The following ADAM2 variants were observed in gnomAD, a reference collection of about 807,000 sequenced individuals.
ADAM2 encodes the protein disintegrin and metalloproteinase domain-containing protein 2.
Under a neutral mutation model 99.3 loss-of-function variants are expected in ADAM2, and 101 were observed. That is an observed-to-expected ratio of 1.02 (90% CI 0.87 to 1.20). ADAM2 has a LOEUF of 1.20. ADAM2 is among the 50% of genes most tolerant of loss of function. ADAM2 has a pLI of 0.00. For missense variants in ADAM2, 948 were observed against 878.7 expected, an observed-to-expected ratio of 1.08 and a Z score of -1.00; for synonymous variants, 323 against 287.6, an observed-to-expected ratio of 1.12 and a Z score of -1.25.
At chr8:39,805,919 G>C (rs1804417131) in intron 7 of ADAM2, among the ~76,000 whole-genome samples, 1 of 152,138 alleles carries the variant, frequency 6.6e-6, no homozygotes. Context: ...AGCCAAAATG[G>C]TCTCGAAAGC....
At chr8:39,756,062 C>G (rs1802141221) in intron 15 of ADAM2, 151 bp from the exon 16 acceptor site, 2 of 471,706 alleles carry the variant, frequency 4.2e-6, no homozygotes, top group South Asian at 1.1e-4. Context: ...AGAGCCTTGC[C>G]TAAATTGCCA....
rs994690733 is a variant in ADAM2, at chr8:39,824,473, A to G, written c.267+346T>C. ...TTATTTGGTCCTTGAACATACTTCA[A>G]AGAAGATTAGATTCTTATTTTCTCC... On this transcript the variant is annotated intron_variant, in intron 4 of 20. Transcript: ENST00000265708. Among the ~76,000 whole-genome samples the G allele has an allele frequency of 1.2e-4, 19 of 152,262 alleles. No individual in the cohort carries two copies. In the East Asian group the frequency reaches 1.7e-3, roughly 14 times the overall value.
intron 14 of ADAM2, among the ~76,000 whole-genome samples, chr8:39,762,094 GA>G (rs577990687): frequency 3.3e-5 from 5 of 151,826 alleles, no homozygotes; most frequent in African/African-American, 7.3e-5. Context: ...AAAGGAAAAA[GA>G]AAAAAAAGCT....
chr8:39,753,009 T>C (rs1401058907), intron 16 of ADAM2, among the ~76,000 whole-genome samples: 1 of 152,012 alleles, frequency 6.6e-6, no homozygotes. Flanking sequence ...AGGAATGGAG[T>C]GCTGCTGTGA....
At chr8:39,760,427 A>T (rs1802303154) in intron 15 of ADAM2, among the ~76,000 whole-genome samples, 1 of 152,154 alleles carries the variant, frequency 6.6e-6, no homozygotes, top group Non-Finnish European at 1.5e-5. Context: ...CATGTTCTTA[A>T]ATACCACGCT....
chr8:39,819,291 C>T (rs777614514), intron 6 of ADAM2, among the ~76,000 whole-genome samples: 5 of 151,946 alleles, frequency 3.3e-5, no homozygotes, highest in African/African-American at 1.2e-4. Flanking sequence ...ATAATCTCTT[C>T]AACAAATGGT....
chr8:39,817,187 G>C (rs537492557), intron 6 of ADAM2, among the ~76,000 whole-genome samples: 2 of 152,096 alleles, frequency 1.3e-5, no homozygotes, highest in South Asian at 2.1e-4. Flanking sequence ...GAACATATAA[G>C]ACAAATAAGA....
At chr8:39,764,954 T>C (rs916679506) in intron 14 of ADAM2, among the ~76,000 whole-genome samples, 2 of 150,816 alleles carry the variant, frequency 1.3e-5, no homozygotes, top group South Asian at 4.2e-4. Context: ...ACACGGGAGG[T>C]GAAGGTTGCA....
At chr8:39,799,212 T>C (rs1019708422) in intron 7 of ADAM2, among the ~76,000 whole-genome samples, 7 of 152,228 alleles carry the variant, frequency 4.6e-5, no homozygotes, top group African/African-American at 1.7e-4. Context: ...GCTTTAGCTG[T>C]GTCCCAGAGA....
At chr8:39,765,174 C>A (rs1802523019) in intron 14 of ADAM2, among the ~76,000 whole-genome samples, 1 of 152,148 alleles carries the variant, frequency 6.6e-6, no homozygotes, top group Non-Finnish European at 1.5e-5. Flanking sequence ...AAAGCTAAGG[C>A]TGTCTTATAA....
intron 7 of ADAM2, among the ~76,000 whole-genome samples, chr8:39,795,848 T>G (rs1171477025): frequency 2.0e-5 from 3 of 152,276 alleles, no homozygotes; most frequent in South Asian, 4.1e-4. Flanking sequence ...AATATTTGGA[T>G]TTGTAAATAG....
chr8:39,744,680 T>A (rs1379169878), intron 20 of ADAM2, 150 bp downstream of exon 20: 4 of 503,038 alleles, frequency 8.0e-6, no homozygotes, highest in Non-Finnish European at 1.0e-5. Flanking sequence ...CAATACCTAA[T>A]GCATGTGGGG....
At chr8:39,830,925 G>T (rs1805591275) in intron 3 of ADAM2, among the ~76,000 whole-genome samples, 1 of 152,124 alleles carries the variant, frequency 6.6e-6, no homozygotes, top group Admixed American at 6.5e-5. Flanking sequence ...TTATGAATGG[G>T]ATTAGTGTCC....
chr8:39,824,071 G>A (rs771355780), intron 4 of ADAM2, among the ~76,000 whole-genome samples: 1 of 152,024 alleles, frequency 6.6e-6, no homozygotes, highest in African/African-American at 2.4e-5. Context: ...ATCACCTGAG[G>A]TCGGGAGTTC....
chr8:39,814,218 G>C (rs1054111027), intron 6 of ADAM2, among the ~76,000 whole-genome samples: 17 of 152,088 alleles, frequency 1.1e-4, no homozygotes, highest in Non-Finnish European at 2.1e-4. Flanking sequence ...AATTAGCTGG[G>C]CATTGTGGCT....
At chr8:39,794,038 T>C (rs1037829377) in intron 7 of ADAM2, among the ~76,000 whole-genome samples, 4 of 152,184 alleles carry the variant, frequency 2.6e-5, no homozygotes, top group African/African-American at 9.6e-5. Context: ...ATAATCTTGT[T>C]CCATTAGCTA....
At position 39,761,285 on chromosome 8, in the gene ADAM2, A is replaced by C; in HGVS notation, c.1508-4T>G. ...TCTGAAGGGCCAAACTCTACTTCTG[A>C]AAATAAAAAGGTGAGGTTAGTCATA... On this transcript the variant is annotated splice_polypyrimidine_tract_variant and splice_region_variant and intron_variant, in intron 14 of 20. Coordinates refer to ENST00000265708, the MANE Select transcript of ADAM2 (RefSeq NM_001464.5). 1 of 1,565,144 alleles carries C rather than the reference A, an allele frequency of 6.4e-7. No homozygotes were observed. The highest frequency in any genetic ancestry group is 8.7e-7 in the Non-Finnish European group (1 of 1,149,422).
chr8:39,774,172 A>G (rs1226345445), intron 11 of ADAM2, among the ~76,000 whole-genome samples: 1 of 151,966 alleles, frequency 6.6e-6, no homozygotes, highest in Non-Finnish European at 1.5e-5. Flanking sequence ...AGCTTTCTCA[A>G]TCTGATTAAA....
chr8:39,778,935 A>T (rs1048159297), intron 10 of ADAM2, among the ~76,000 whole-genome samples: 3 of 152,018 alleles, frequency 2.0e-5, no homozygotes, highest in African/African-American at 7.2e-5. Context: ...GTTTCCTGTT[A>T]TCTCTTATAA....
Sources: allele counts gnomAD v4.1 joint callset (sites outside exome capture counted in the v4.1 genomes callset), GRCh38; gene constraint gnomAD v4.1.1; transcripts MANE v1.5; gene names NCBI Gene and HGNC (gene_info 2026-07-23, HGNC 2026-07-21).